Variants in PHACTR2 observed in about 807,000 individuals in gnomAD.
PHACTR2 encodes the protein phosphatase and actin regulator 2.
PHACTR2 carries 30 observed loss-of-function variants against 76.0 expected under a neutral mutation model. That is an observed-to-expected ratio of 0.39 (90% CI 0.30 to 0.54). The LOEUF (loss-of-function observed/expected upper bound fraction) is 0.54. Among genes scored for constraint, PHACTR2 ranks in the 20% least tolerant of loss-of-function variants. The pLI, the probability that PHACTR2 is intolerant of heterozygous loss-of-function variation, is 0.61. For synonymous variants in PHACTR2, 292 were observed against 292.5 expected, an observed-to-expected ratio of 1.00 and a Z score of 0.02; for missense variants, 696 against 781.1, an observed-to-expected ratio of 0.89 and a Z score of 1.30.
chr6:143,798,664 T>A (rs1463660571), intron 11 of PHACTR2, among the ~76,000 whole-genome samples: 1 of 152,184 alleles, frequency 6.6e-6, no homozygotes. Flanking sequence ...TTGTCATTGG[T>A]TCTGTTTATG....
intron 1 of PHACTR2, among the ~76,000 whole-genome samples, chr6:143,704,306 C>G (rs539949415): frequency 6.6e-6 from 1 of 152,110 alleles, no homozygotes; most frequent in African/African-American, 2.4e-5. Flanking sequence ...TAAATGTTCT[C>G]TTACTTATAG....
At chr6:143,712,263 G>T in intron 2 of PHACTR2, 80 bp downstream of exon 2, 1 of 940,936 alleles carries the variant, frequency 1.1e-6, no homozygotes, top group Non-Finnish European at 1.5e-6. Context: ...TTTACAGTGT[G>T]TTTTTTCCCA....
chr6:143,608,685 T>C lies in PHACTR2; in HGVS notation c.13+363T>C, dbSNP rs1775927054. ...CACAAGGTAGATGGAATTAAGTTAA[T>C]GAGCTGAGCAAAAATTCTGTGTAAA... On this transcript the variant is annotated intron_variant, in intron 1 of 11. Coordinates refer to the PHACTR2 transcript ENST00000305766. The surrounding 1 kb of genome is among the most constrained non-coding windows in gnomAD (Gnocchi z 4.6). Among the ~76,000 whole-genome samples the C allele has an allele frequency of 6.6e-6, 1 of 152,230 alleles. No homozygotes were observed. Among genetic ancestry groups the C allele is most frequent in the Admixed American group, 6.5e-5 (1 of 15,282 alleles).
intron 1 of PHACTR2, among the ~76,000 whole-genome samples, chr6:143,629,913 A>T: frequency 6.6e-6 from 1 of 152,108 alleles, no homozygotes; most frequent in Middle Eastern, 3.2e-3. Flanking sequence ...CATCTGCAAC[A>T]TGTGGCATCA....
At chr6:143,711,845 G>C in intron 1 of PHACTR2, 171 bp from the exon 2 acceptor site, 1 of 760,224 alleles carries the variant, frequency 1.3e-6, no homozygotes, top group East Asian at 2.5e-5. Context: ...CTGATTGACT[G>C]ATTGATATGA....
At position 143,610,486 on chromosome 6, in the gene PHACTR2, C is replaced by A. The variant is rs1400704264; in HGVS notation, c.13+2164C>A. On this transcript the variant is annotated intron_variant, in intron 1 of 11. Transcript: ENST00000305766. The surrounding 1 kb of genome is among the most constrained non-coding windows in gnomAD (Gnocchi z 4.9). ...CATTAGTTTCAAGGAGCCAGACCTTCTTCTAGCAAGGCTTTCTGTGTGGGA... is the reference window on the plus strand; with the variant it reads ...CATTAGTTTCAAGGAGCCAGACCTTATTCTAGCAAGGCTTTCTGTGTGGGA... Among the ~76,000 whole-genome samples, 2 of 152,208 alleles carry A rather than the reference C, an allele frequency of 1.3e-5. No homozygotes were observed. Among genetic ancestry groups the A allele is most frequent in the East Asian group, 1.9e-4 (1 of 5,200 alleles).
Position 143,806,959 on chromosome 6 carries a change from A to T in PHACTR2, c.1846-98A>T. 12 of 165,066 alleles carry T rather than the reference A, an allele frequency of 7.3e-5. No homozygotes were observed. Among genetic ancestry groups the T allele is most frequent in the South Asian group, 3.4e-4 (2 of 5,836 alleles). 10.2% of individuals were successfully genotyped at this position (165,066 alleles called of 1,614,324 possible). A position where few individuals can be genotyped will look rare whatever the true frequency, so the allele number is the denominator to read the frequency against. On this transcript the variant is annotated intron_variant, in intron 11 of 12. Coordinates refer to ENST00000440869, the MANE Select transcript of PHACTR2 (RefSeq NM_001100164.2). This position sits in a 1 kb window ranked among gnomAD's most constrained non-coding sequence, Gnocchi z 5.8. ...ATGACAGAGCGAGACTCTATCTCTT[A>T]AAAAAAAAAAAAAGGTCTGCTTCAT...
Position 143,777,474 on chromosome 6 carries a change from A to G in PHACTR2, c.1645+91A>G, listed in dbSNP as rs933347317. On this transcript the variant is annotated intron_variant, in intron 9 of 12. Transcript: ENST00000440869. The surrounding 1 kb of genome is among the most constrained non-coding windows in gnomAD (Gnocchi z 4.6). Reference sequence around the variant, plus strand: ...CGATTTATCAGTAAGAAACCATCATATATTCATTTACTCAAGATGGACTGA... The same window carrying G: ...CGATTTATCAGTAAGAAACCATCATGTATTCATTTACTCAAGATGGACTGA... 7.1e-5 allele frequency: 40 copies of G among 565,708 alleles called. No homozygotes were observed. The highest frequency in any genetic ancestry group is 7.0e-4 in the African/African-American group (36 of 51,520). The allele number at this position is 565,708 out of a possible 1,614,324, so 35.0% of individuals were successfully genotyped here.
chr6:143,593,860 A>G (rs1178348545), intron 1 of PHACTR2, among the ~76,000 whole-genome samples: 3 of 152,226 alleles, frequency 2.0e-5, no homozygotes, highest in Non-Finnish European at 4.4e-5. Flanking sequence ...AAGTTCTATG[A>G]TAATAGCAAC....
intron 2 of PHACTR2, among the ~76,000 whole-genome samples, chr6:143,724,200 A>C (rs1778506373): frequency 6.6e-6 from 1 of 151,714 alleles, no homozygotes; most frequent in Non-Finnish European, 1.5e-5. Flanking sequence ...TAGTGGCACG[A>C]TCTCGGCTCA....
Position 143,611,291 on chromosome 6 carries a change from G to A in PHACTR2, c.13+2969G>A, listed in dbSNP as rs867800218. 1.5e-4 allele frequency among the ~76,000 whole-genome samples: 23 copies of A among 152,234 alleles called. No homozygotes were observed. Among genetic ancestry groups the A allele is most frequent in the Middle Eastern group, 3.4e-3 (1 of 294 alleles). ...GGTGGCAGCTGCTGAGAGCCCCTGC[G>A]CCTTCACCGTGCATTCTAGCTCAGT... is the stretch of plus-strand genomic sequence containing the variant. On this transcript the variant is annotated intron_variant, in intron 1 of 11. Transcript: ENST00000305766. The surrounding 1 kb of genome is among the most constrained non-coding windows in gnomAD (Gnocchi z 4.4).
At chr6:143,555,240 A>G (rs1316477687) in intron 1 of PHACTR2, 1 of 152,268 alleles carries the variant, frequency 6.6e-6, no homozygotes, top group Non-Finnish European at 1.5e-5. Flanking sequence ...CCTGGGGAAA[A>G]ATACAGAAGA....
At position 143,782,398 on chromosome 6, in the gene PHACTR2, A is replaced by G. The variant is rs1311633414; in HGVS notation, c.1646-821A>G. Reference sequence around the variant, plus strand: ...TATCCAAGAAGCAAAATGTATGCTCACTGATCAAACAGATGATCAGCTAAA... The same window carrying G: ...TATCCAAGAAGCAAAATGTATGCTCGCTGATCAAACAGATGATCAGCTAAA... On this transcript the variant is annotated intron_variant, in intron 9 of 12. Coordinates refer to ENST00000440869, the MANE Select transcript of PHACTR2 (RefSeq NM_001100164.2). The surrounding 1 kb of genome is among the most constrained non-coding windows in gnomAD (Gnocchi z 4.6). 6.6e-6 allele frequency among the ~76,000 whole-genome samples: 1 copy of G among 152,204 alleles called. No individual in the cohort carries two copies. Among genetic ancestry groups the G allele is most frequent in the African/African-American group, 2.4e-5 (1 of 41,454 alleles).
rs1416420515 is a variant in PHACTR2 at position 143,646,346 on chromosome 6, A to G, written c.13+38024A>G. On this transcript the variant is annotated intron_variant, in intron 1 of 11. Transcript: ENST00000305766. This position sits in a 1 kb window ranked among gnomAD's most constrained non-coding sequence, Gnocchi z 4.1. ...ATAGAACAAGCATTTATCTAACCTT[A>G]ATATCATAGCATAACTCCTTAAAGT... 6.6e-6 allele frequency among the ~76,000 whole-genome samples: 1 copy of G among 152,224 alleles called. No individual in the cohort carries two copies. Among genetic ancestry groups the G allele is most frequent in the Non-Finnish European group, 1.5e-5 (1 of 68,018 alleles).
Position 143,619,340 on chromosome 6 carries a change from GT to G in PHACTR2, c.13+11019del, listed in dbSNP as rs900264805. 6.6e-5 allele frequency among the ~76,000 whole-genome samples: 10 copies of G among 152,272 alleles called. No individual in the cohort carries two copies. Among genetic ancestry groups the G allele is most frequent in the African/African-American group, 2.2e-4 (9 of 41,568 alleles). ...TCACAGATGATTCCTCTACGCCCTG[GT>G]GAGACCCATTATCGGTCTAAGAAAC... On this transcript the variant is annotated intron_variant, in intron 1 of 11. Coordinates refer to the PHACTR2 transcript ENST00000305766. The surrounding 1 kb of genome is among the most constrained non-coding windows in gnomAD (Gnocchi z 4.5).
chr6:143,720,243 G>A (rs1238886635), intron 2 of PHACTR2, among the ~76,000 whole-genome samples: 4 of 152,176 alleles, frequency 2.6e-5, no homozygotes, highest in Non-Finnish European at 5.9e-5. Context: ...TGACATAAAA[G>A]AGACAATCTT....
intron 3 of PHACTR2, among the ~76,000 whole-genome samples, chr6:143,749,967 GAATTGAAATTGA>G (rs913236729): frequency 9.2e-5 from 14 of 152,204 alleles, no homozygotes; most frequent in Non-Finnish European, 1.3e-4. Context: ...TATTAATTTA[GAATTGAAATTGA>G]AATTGAAATA....
In PHACTR2 at chr6:143,755,969, A is replaced by G. The variant is rs1779288456; in HGVS notation, c.454+2057A>G. ...CTTGTGTGAGCTCACTGCCGTGCAA[A>G]CCCCACCATCCCATGATCTTAATTC... is the stretch of plus-strand genomic sequence containing the variant. On this transcript the variant is annotated intron_variant, in intron 4 of 12. Transcript: ENST00000440869. The surrounding 1 kb of genome is among the most constrained non-coding windows in gnomAD (Gnocchi z 5.2). 6.6e-6 allele frequency among the ~76,000 whole-genome samples: 1 copy of G among 151,662 alleles called. No homozygotes were observed. Among genetic ancestry groups the G allele is most frequent in the Non-Finnish European group, 1.5e-5 (1 of 67,948 alleles).
At chr6:143,802,466 C>T (rs1775979009) in intron 11 of PHACTR2, among the ~76,000 whole-genome samples, 1 of 148,998 alleles carries the variant, frequency 6.7e-6, no homozygotes. Flanking sequence ...ACAGCAAAAC[C>T]TCATCTCCAC....
Sources: gnomAD v4.1 joint callset for allele counts (sites outside exome capture counted in the v4.1 genomes callset) on GRCh38, gnomAD v4.1.1 for gene constraint, Gnocchi (gnomAD v3.1) non-coding constraint, MANE v1.5 for transcripts, NCBI Gene and HGNC (gene_info 2026-07-23, HGNC 2026-07-21) for gene names.